The following BRAP variants were observed in gnomAD, a reference collection of about 807,000 sequenced individuals.
The protein encoded by BRAP is BRCA1 associated protein, also known as BRCA1-associated protein.
BRAP carries 42 observed loss-of-function variants against 73.4 expected under a neutral mutation model. The observed-to-expected ratio is 0.57, with a 90% CI of 0.45 to 0.74. The LOEUF is 0.74. BRAP is among the 30% of genes least tolerant of loss of function. BRAP has a pLI of 0.00. For missense variants in BRAP, 593 were observed against 751.4 expected (o/e 0.79, Z 2.46); for synonymous variants, 255 against 267.4 (o/e 0.95, Z 0.45).
intron 3 of BRAP, 60 bp from the exon 4 acceptor site, chr12:111,679,400 C>T: frequency 1.7e-6 from 2 of 1,202,956 alleles, no homozygotes; most frequent in African/African-American, 1.5e-5. Context: ...TTAAACAATA[C>T]TAGACAACTT....
intron 5 of BRAP, chr12:111,670,268 G>A: frequency 1.7e-6 from 1 of 589,538 alleles, no homozygotes; most frequent in Non-Finnish European, 3.3e-6. Context: ...TCCATTACTG[G>A]AAGAAACAGT....
intron 11 of BRAP, 79 bp from the exon 12 acceptor site, chr12:111,644,641 A>C: frequency 1.3e-6 from 2 of 1,546,522 alleles, no homozygotes; most frequent in Non-Finnish European, 1.7e-6. Context: ...GATTGAACAG[A>C]GAAACCATGA....
chr12:111,682,497 C>CAAAAAAAAAAA (rs11366915), intron 2 of BRAP, among the ~76,000 whole-genome samples: 3 of 77,894 alleles, frequency 3.9e-5, no homozygotes, highest in Non-Finnish European at 7.3e-5. Context: ...GAGACTGTCT[C>CAAAAAAAAAAA]AAAAAAAAAA....
intron 5 of BRAP, among the ~76,000 whole-genome samples, chr12:111,667,951 G>A (rs151156974): frequency 2.0e-5 from 3 of 151,664 alleles, no homozygotes; most frequent in African/African-American, 7.3e-5. Context: ...GCTCACACCC[G>A]TAATCCCAGC....
intron 11 of BRAP, among the ~76,000 whole-genome samples, 195 bp from the exon 12 acceptor site, chr12:111,644,757 C>A (rs929835234): frequency 1.3e-5 from 2 of 152,054 alleles, no homozygotes; most frequent in East Asian, 3.9e-4. Flanking sequence ...CTACTTAACA[C>A]AAGTGTATTT....
At chr12:111,682,411 A>G (rs1038347053) in intron 2 of BRAP, among the ~76,000 whole-genome samples, 2 of 146,844 alleles carry the variant, frequency 1.4e-5, no homozygotes, top group Admixed American at 1.4e-4. Flanking sequence ...GAGAGGAAGG[A>G]GAATTGCTTG....
intron 6 of BRAP, among the ~76,000 whole-genome samples, chr12:111,664,769 G>A (rs111716465): frequency 7.2e-5 from 11 of 152,276 alleles, no homozygotes; most frequent in African/African-American, 2.6e-4. Context: ...CCTCACTTCT[G>A]TGCTTGGGAA....
intron 4 of BRAP, among the ~76,000 whole-genome samples, chr12:111,674,018 T>C (rs1297101063): frequency 2.0e-5 from 3 of 152,202 alleles, no homozygotes; most frequent in Non-Finnish European, 2.9e-5. Flanking sequence ...CAGAAAGTTA[T>C]GTGCTTTGGC....
In BRAP at chr12:111,665,554, TG is replaced by T; in HGVS notation, c.896+84del. On this transcript the variant is annotated intron_variant, in intron 6 of 11. Coordinates refer to ENST00000419234, the MANE Select transcript of BRAP (RefSeq NM_006768.5). The surrounding 1 kb of genome is among the most constrained non-coding windows in gnomAD (Gnocchi z 4.3). ...CTTGAATAAAGTCAAATACTTGGAA[TG>T]GTTCATTTCTGCTGGTGGCTCTTTT... 3 of 1,530,944 alleles carry T rather than the reference TG, an allele frequency of 2.0e-6. No homozygotes were observed. In the East Asian group the frequency reaches 6.8e-5, roughly 35 times the overall value. The allele number at this position is 1,530,944 out of a possible 1,614,324, so 94.8% of individuals were successfully genotyped here.
Position 111,644,533 on chromosome 12 carries a change from T to A in BRAP, c.1445A>T (p.Lys482Ile). 6.2e-7 allele frequency: 1 copy of A among 1,613,868 alleles called. No homozygotes were observed. The highest frequency in any genetic ancestry group is 8.5e-7 in the Non-Finnish European group (1 of 1,179,814). ...CTCCTCTTTGAGCTCGTTGGTGAGT[T>A]TGGCCACTTTTGTGTTTAGCTGAGT... ...KCTQLNTKVA[K>I]LTNELKEEQE... is the part of the protein sequence containing the mutation. The change falls in exon 12 of 12, where the codon AAA (lysine) becomes ATA (isoleucine). Residue 482 changes from lysine to isoleucine, a missense_variant. Physicochemically the swap from Lys to Ile is moderately radical, Grantham distance 102. Around this residue, in one of 4 missense-constraint regions of BRAP, gnomAD observed 143 missense variants for 190.4 expected, o/e 0.75. Transcript: ENST00000419234.
At chr12:111,645,543 T>C (rs969208302) in intron 11 of BRAP, among the ~76,000 whole-genome samples, 4 of 152,176 alleles carry the variant, frequency 2.6e-5, no homozygotes, top group Admixed American at 6.6e-5. Flanking sequence ...GTGGCATTCT[T>C]GGAGAGTCAA....
Position 111,672,767 on chromosome 12 carries a change from G to A in BRAP, c.641C>T (p.Ala214Val), listed in dbSNP as rs989023764. Residue 214 changes from alanine (A) to valine (V), a missense_variant, in exon 5 of 12, where the codon GCG (alanine) becomes GTG (valine). Ala to Val is a moderately conservative substitution (Grantham distance 64). Transcript: ENST00000419234. ...ATTGCATGTCATATAAAAACTATCCGCATCAGCCTATGTACACCAATGGGG... is the reference window on the plus strand; with the variant it reads ...ATTGCATGTCATATAAAAACTATCCACATCAGCCTATGTACACCAATGGGG... Reference protein sequence around the residue: ...VLIKFRAQADADSFYMTCNGR... With the variant: ...VLIKFRAQADVDSFYMTCNGR... 18 of 1,613,092 alleles carry A rather than the reference G, an allele frequency of 1.1e-5. No homozygotes were observed. The highest frequency in any genetic ancestry group is 2.7e-5 in the African/African-American group (2 of 74,832).
chr12:111,672,138 G>A (rs892456394), intron 5 of BRAP, among the ~76,000 whole-genome samples: 1 of 152,190 alleles, frequency 6.6e-6, no homozygotes, highest in African/African-American at 2.4e-5. Flanking sequence ...TGGAGAGACA[G>A]AGGCTGCAGT....
At chr12:111,653,444 G>A (rs1886400395) in intron 10 of BRAP, among the ~76,000 whole-genome samples, 1 of 152,154 alleles carries the variant, frequency 6.6e-6, no homozygotes, top group Non-Finnish European at 1.5e-5. Flanking sequence ...TTTAGAGGAG[G>A]TCACCTTATG....
At chr12:111,646,110 C>A (rs1886101699) in intron 11 of BRAP, among the ~76,000 whole-genome samples, 1 of 151,928 alleles carries the variant, frequency 6.6e-6, no homozygotes, top group Non-Finnish European at 1.5e-5. Flanking sequence ...TAGCGAGACA[C>A]CGTCTATACA....
chr12:111,679,464 T>C, intron 3 of BRAP, 124 bp from the exon 4 acceptor site: 1 of 615,768 alleles, frequency 1.6e-6, no homozygotes, highest in Non-Finnish European at 2.4e-6. Flanking sequence ...ATTAATGAAC[T>C]GTTCTATATT....
rs1015972888 is a variant in BRAP, at chr12:111,659,138, G to A, written c.1111+69C>T. On this transcript the variant is annotated intron_variant, in intron 8 of 11. Transcript: ENST00000419234. ...ATGACATTTCAAGCTGGGAGGGAAA[G>A]TGAAGGCGTTGTGAAGGCAAAGTTT... The A allele has an allele frequency of 7.2e-6, 11 of 1,533,740 alleles. No individual in the cohort carries two copies. The African/African-American group carries it at 1.4e-4, about 19-fold the overall frequency.
chr12:111,667,720 A>AAAAAAAAAAAAAAAAAAAAAC (rs1887006980), intron 5 of BRAP, among the ~76,000 whole-genome samples: 2 of 148,226 alleles, frequency 1.3e-5, no homozygotes, highest in African/African-American at 5.0e-5. Flanking sequence ...AAAAAAAAAA[A>AAAAAAAAAAAAAAAAAAAAAC]AGCTCATACA....
At chr12:111,673,004 T>C (rs1887237770) in intron 4 of BRAP, 3 of 450,746 alleles carry the variant, frequency 6.7e-6, no homozygotes, top group East Asian at 3.5e-5. Context: ...ACAGAGTTTT[T>C]ACCTGAACTG....
Sources: allele counts gnomAD v4.1 joint callset (sites outside exome capture counted in the v4.1 genomes callset), GRCh38; gene constraint gnomAD v4.1.1; regional missense constraint gnomAD v4.1.1; non-coding constraint Gnocchi (gnomAD v3.1); transcripts MANE v1.5; gene names NCBI Gene and HGNC (gene_info 2026-07-23, HGNC 2026-07-21).